ATG10: variants seen among roughly 807,000 people sequenced by gnomAD.
ATG10 encodes autophagy related 10.
A neutral mutation model predicts 32.1 loss-of-function variants in ATG10; 30 were observed. The ratio of observed to expected loss-of-function variants is 0.94; its 90% CI spans 0.70 to 1.27. The LOEUF (loss-of-function observed/expected upper bound fraction) is 1.27, where lower values mean the gene tolerates loss of function less well. Ranked by LOEUF, ATG10 falls within the 50% of genes most tolerant of loss-of-function variation. The probability of loss-of-function intolerance (pLI) is 0.00; values close to 1 mark genes in which losing one functional copy is unlikely to be tolerated. For synonymous variants in ATG10, 87 were observed against 91.5 expected, an observed-to-expected ratio of 0.95 and a Z score of 0.28; for missense variants, 233 against 262.3, an observed-to-expected ratio of 0.89 and a Z score of 0.77.
intron 3 of ATG10, among the ~76,000 whole-genome samples, chr5:82,078,090 A>G (rs578048634): frequency 6.6e-6 from 1 of 152,316 alleles, no homozygotes; most frequent in African/African-American, 2.4e-5. Context: ...AGTTGATTGA[A>G]GGTTCTTTAA....
rs1159771101 is a variant in ATG10, at chr5:82,146,084, CTAT to C, written c.217-18310_217-18308del. On this transcript the variant is annotated intron_variant, in intron 3 of 7. Transcript: ENST00000282185. ...AAATTCAGACCTGAATTTCCCTGTG[CTAT>C]TATTTCTCTTCAGCTTGGAGAACTT... Among the ~76,000 whole-genome samples the C allele has an allele frequency of 2.0e-5, 3 of 152,216 alleles. No homozygotes were observed. The East Asian group carries it at 5.8e-4, about 29-fold the overall frequency.
chr5:82,029,838 T>A (rs1762696281), intron 2 of ATG10, among the ~76,000 whole-genome samples: 1 of 152,218 alleles, frequency 6.6e-6, no homozygotes, highest in Non-Finnish European at 1.5e-5. Context: ...AATTACTTTG[T>A]ACTAGGATCT....
intron 2 of ATG10, among the ~76,000 whole-genome samples, chr5:82,017,518 T>C (rs1407659153): frequency 6.6e-6 from 1 of 152,188 alleles, no homozygotes. Context: ...TTTTCCTTAT[T>C]CAGTATAATG....
chr5:82,057,721 G>A (rs959698987), intron 2 of ATG10, among the ~76,000 whole-genome samples: 1 of 152,022 alleles, frequency 6.6e-6, no homozygotes, highest in East Asian at 1.9e-4. Flanking sequence ...AATGGAACTG[G>A]CCACAATTAG....
At chr5:82,049,060 AG>A in intron 2 of ATG10, among the ~76,000 whole-genome samples, 1 of 151,500 alleles carries the variant, frequency 6.6e-6, no homozygotes, top group East Asian at 1.9e-4. Context: ...ATATACCCAA[AG>A]GACTATAAAT....
intron 3 of ATG10, among the ~76,000 whole-genome samples, chr5:82,161,781 A>AATC (rs1743358657): frequency 2.0e-5 from 3 of 151,934 alleles, no homozygotes; most frequent in Admixed American, 2.0e-4. Flanking sequence ...GAACTATTGA[A>AATC]ATCATCTAGG....
chr5:82,118,409 T>TATTC (rs2149823275), intron 3 of ATG10, among the ~76,000 whole-genome samples: 1 of 141,692 alleles, frequency 7.1e-6, no homozygotes, highest in Non-Finnish European at 1.5e-5. Context: ...TATATATGTA[T>TATTC]GTATATATTC....
intron 5 of ATG10, among the ~76,000 whole-genome samples, chr5:82,183,543 G>A (rs937001914): frequency 2.6e-5 from 4 of 152,056 alleles, no homozygotes; most frequent in African/African-American, 9.6e-5. Context: ...GTATGCCGTC[G>A]GGGGGACATT....
At chr5:82,180,079 G>T (rs1043365618) in intron 5 of ATG10, among the ~76,000 whole-genome samples, 1 of 152,006 alleles carries the variant, frequency 6.6e-6, no homozygotes, top group Admixed American at 6.6e-5. Context: ...TTTAACCACT[G>T]CTGTGCTTAC....
chr5:82,087,146 G>T (rs1456202517), intron 3 of ATG10, among the ~76,000 whole-genome samples: 1 of 152,056 alleles, frequency 6.6e-6, no homozygotes, highest in African/African-American at 2.4e-5. Flanking sequence ...TTTTAGACAG[G>T]GTTTATGCAT....
intron 3 of ATG10, among the ~76,000 whole-genome samples, chr5:82,063,890 A>G (rs112413913): frequency 0.19 from 28,664 of 152,128 alleles, 3,106 homozygotes; most frequent in Middle Eastern, 0.28. Context: ...TAGGCTTAAT[A>G]TCTGGGTGAT....
intron 4 of ATG10, among the ~76,000 whole-genome samples, chr5:82,167,781 C>T (rs142806550): frequency 1.9e-4 from 29 of 152,324 alleles, no homozygotes; most frequent in Non-Finnish European, 3.8e-4. Context: ...GCTTCTGCCT[C>T]TCATTTCTAC....
chr5:82,224,337 G>C (rs1479558647), intron 5 of ATG10, among the ~76,000 whole-genome samples: 1 of 152,094 alleles, frequency 6.6e-6, no homozygotes, highest in Non-Finnish European at 1.5e-5. Context: ...AGGCTTCAGG[G>C]TTTATTTAAA....
At chr5:82,179,472 C>A (rs911169252) in intron 5 of ATG10, among the ~76,000 whole-genome samples, 5 of 151,932 alleles carry the variant, frequency 3.3e-5, no homozygotes, top group African/African-American at 1.2e-4. Context: ...AAAAGAAGAG[C>A]TTTTGATTAA....
At chr5:81,997,055 C>A (rs1761686696) in intron 2 of ATG10, among the ~76,000 whole-genome samples, 1 of 152,144 alleles carries the variant, frequency 6.6e-6, no homozygotes, top group Non-Finnish European at 1.5e-5. Context: ...TGCCAGTGAC[C>A]CTACCCCCTC....
intron 3 of ATG10, among the ~76,000 whole-genome samples, chr5:82,066,777 A>G (rs905942202): frequency 1.3e-5 from 2 of 152,140 alleles, no homozygotes; most frequent in African/African-American, 4.8e-5. Context: ...TCTATTTTAT[A>G]TGTCCAAAAT....
At chr5:82,081,081 C>G (rs1233678608) in intron 3 of ATG10, among the ~76,000 whole-genome samples, 1 of 152,124 alleles carries the variant, frequency 6.6e-6, no homozygotes, top group East Asian at 1.9e-4. Flanking sequence ...CCTTCACATC[C>G]CTTGTAAGTT....
chr5:82,186,769 A>G (rs894901913), intron 5 of ATG10, among the ~76,000 whole-genome samples: 11 of 151,952 alleles, frequency 7.2e-5, no homozygotes, highest in Non-Finnish European at 1.5e-4. Flanking sequence ...TTTAGTAGAG[A>G]AAAGGTTTCT....
chr5:81,975,913 T>G (rs1760859880), intron 1 of ATG10, among the ~76,000 whole-genome samples: 1 of 151,864 alleles, frequency 6.6e-6, no homozygotes. Context: ...CATAAAAATA[T>G]GAAGCTTGAA....
Sources: allele counts gnomAD v4.1 joint callset (sites outside exome capture counted in the v4.1 genomes callset), GRCh38; gene constraint gnomAD v4.1.1; transcripts MANE v1.5; gene names NCBI Gene and HGNC (gene_info 2026-07-23, HGNC 2026-07-21).